The following ARID4A variants were observed in gnomAD, a reference collection of about 807,000 sequenced individuals.
The protein encoded by ARID4A is AT-rich interaction domain 4A, also known as AT-rich interactive domain-containing protein 4A.
Under a neutral mutation model 148.6 loss-of-function variants are expected in ARID4A, and 39 were observed. The ratio of observed to expected loss-of-function variants is 0.26; its 90% CI spans 0.20 to 0.34. The LOEUF is 0.34. ARID4A is among the 10% of genes least tolerant of loss of function. ARID4A has a pLI of 1.00. For missense variants in ARID4A, 1,265 were observed against 1,449.1 expected (o/e 0.87, Z 2.06); for synonymous variants, 475 against 481.2 (o/e 0.99, Z 0.17).
intron 22 of ARID4A, among the ~76,000 whole-genome samples, chr14:58,366,541 T>C (rs1283167439): frequency 2.0e-5 from 3 of 152,180 alleles, no homozygotes; most frequent in African/African-American, 2.4e-5. Flanking sequence ...GTTATTTCTA[T>C]TATGTAACTA....
chr14:58,307,239 C>G (rs1288602324), intron 5 of ARID4A, among the ~76,000 whole-genome samples: 3 of 151,994 alleles, frequency 2.0e-5, no homozygotes, highest in African/African-American at 7.3e-5. Context: ...AAAGAATGAC[C>G]ATTTAGGTTT....
chr14:58,317,980 A>T (rs1462227601), intron 5 of ARID4A, among the ~76,000 whole-genome samples: 1 of 152,096 alleles, frequency 6.6e-6, no homozygotes, highest in Non-Finnish European at 1.5e-5. Context: ...TTAAAAAAAA[A>T]AAAAGTTTTT....
At chr14:58,339,567 C>G (rs2140215758) in intron 11 of ARID4A, among the ~76,000 whole-genome samples, 1 of 152,226 alleles carries the variant, frequency 6.6e-6, no homozygotes, top group South Asian at 2.1e-4. Flanking sequence ...TATCTGTCCA[C>G]CTTCCTAATG....
intron 16 of ARID4A, among the ~76,000 whole-genome samples, chr14:58,352,068 A>G (rs986491177): frequency 1.3e-5 from 2 of 152,236 alleles, no homozygotes; most frequent in Non-Finnish European, 2.9e-5. Context: ...TAAATGAGCA[A>G]CAACATAACA....
intron 23 of ARID4A, among the ~76,000 whole-genome samples, chr14:58,368,682 A>G (rs1030757922): frequency 2.0e-5 from 3 of 151,978 alleles, no homozygotes; most frequent in Non-Finnish European, 4.4e-5. Context: ...TGGGTTTTTT[A>G]TTTTTTTCAG....
intron 15 of ARID4A, among the ~76,000 whole-genome samples, chr14:58,349,760 A>T (rs1283075627): frequency 6.6e-6 from 1 of 152,022 alleles, no homozygotes; most frequent in Non-Finnish European, 1.5e-5. Context: ...GGACAAAGGT[A>T]TACAGACCCA....
At chr14:58,333,447 A>G (rs910417633) in intron 11 of ARID4A, among the ~76,000 whole-genome samples, 1 of 152,106 alleles carries the variant, frequency 6.6e-6, no homozygotes, top group African/African-American at 2.4e-5. Context: ...CTTGAGTATT[A>G]AGGGGAATGT....
At chr14:58,298,758 G>C (rs2030788499) in intron 1 of ARID4A, 58 bp downstream of exon 1, 1 of 152,430 alleles carries the variant, frequency 6.6e-6, no homozygotes, top group Non-Finnish European at 1.5e-5. Context: ...AGTAGCAGCA[G>C]CTGCTGCTGC....
In ARID4A at chr14:58,372,093, G is replaced by T; in HGVS notation, c.*104G>T. 1.3e-6 allele frequency: 1 copy of T among 751,294 alleles called. No homozygotes were observed. The highest frequency in any genetic ancestry group is 2.3e-6 in the Non-Finnish European group (1 of 437,854). 46.5% of individuals were successfully genotyped at this position (751,294 alleles called of 1,614,324 possible). A position where few individuals can be genotyped will look rare whatever the true frequency, so the allele number is the denominator to read the frequency against. On this transcript the variant is annotated 3_prime_UTR_variant, in exon 24 of 24. Transcript: ENST00000355431. ...CACTCAACTGGTTTGACATTGCTAA[G>T]TATATCCTGTATACTTTTCCAGGCT...
intron 18 of ARID4A, among the ~76,000 whole-genome samples, chr14:58,359,970 G>T (rs890602256): frequency 6.6e-5 from 10 of 151,932 alleles, no homozygotes; most frequent in African/African-American, 2.4e-4. Context: ...GGAGGCTGAG[G>T]CAGGAGAATG....
intron 11 of ARID4A, among the ~76,000 whole-genome samples, chr14:58,341,030 T>C (rs545404566): frequency 1.3e-5 from 2 of 152,050 alleles, no homozygotes; most frequent in South Asian, 2.1e-4. Flanking sequence ...CCTCTCCCCT[T>C]CTCTCTCCCT....
chr14:58,324,539 C>A (rs921898229), intron 8 of ARID4A, among the ~76,000 whole-genome samples: 1 of 152,266 alleles, frequency 6.6e-6, no homozygotes, highest in Non-Finnish European at 1.5e-5. Flanking sequence ...CTTTGGCCTC[C>A]CAAGGGGCCG....
chr14:58,331,995 A>AAC (rs2033548157), intron 11 of ARID4A, among the ~76,000 whole-genome samples: 27 of 85,182 alleles, frequency 3.2e-4, no homozygotes, highest in East Asian at 8.5e-4. Context: ...CATTTTCCCT[A>AAC]CCCCCCCCCC....
chr14:58,299,945 G>T, intron 2 of ARID4A, 85 bp downstream of exon 2: 3 of 1,588,128 alleles, frequency 1.9e-6, no homozygotes, highest in South Asian at 1.1e-5. Context: ...CATTTGTTTT[G>T]CTACTCAAAA....
At chr14:58,327,652 G>A (rs2033291732) in intron 8 of ARID4A, among the ~76,000 whole-genome samples, 1 of 151,960 alleles carries the variant, frequency 6.6e-6, no homozygotes, top group East Asian at 1.9e-4. Flanking sequence ...TATTTTTAAA[G>A]TGCTGGTCAC....
Position 58,365,013 on chromosome 14 carries a change from T to C in ARID4A, c.2924T>C (p.Ile975Thr), listed in dbSNP as rs1324444140. Residue 975 changes from isoleucine (I) to threonine (T), a missense_variant, in exon 20 of 24, where the codon ATT (isoleucine) becomes ACT (threonine). Physicochemically the swap from Ile to Thr is moderately conservative, Grantham distance 89. Transcript: ENST00000355431. The part of the protein sequence containing the change: ...DDLDEKDKTS[I>T]EDVAVESSES... The stretch of plus-strand genomic sequence containing the variant: ...TTGGATGAAAAGGATAAGACCAGCA[T>C]TGAGGATGTAGCAGTTGAAAGCTCT... The C allele has an allele frequency of 2.5e-6, 4 of 1,614,144 alleles. No individual in the cohort carries two copies. In the African/African-American group the frequency reaches 4.0e-5, roughly 16 times the overall value.
At chr14:58,327,397 GTTAAGATACTATT>G in intron 8 of ARID4A, among the ~76,000 whole-genome samples, 1 of 152,114 alleles carries the variant, frequency 6.6e-6, no homozygotes, top group South Asian at 2.1e-4. Context: ...CAATTATATT[GTTAAGATACTATT>G]TTCAGAAGTT....
rs760117866 is a variant in ARID4A, at chr14:58,344,677, T to C, written c.907-18T>C. 3 of 1,573,008 alleles carry C rather than the reference T, an allele frequency of 1.9e-6. No individual in the cohort carries two copies. The highest frequency in any genetic ancestry group is 4.5e-5 in the East Asian group (2 of 44,398). On this transcript the variant is annotated intron_variant, in intron 11 of 23. Transcript: ENST00000355431. ...TCCAGTTCACTGTGCCATACATTTA[T>C]ATATTTTATCTTTACAGCCTGAGGA... is the stretch of plus-strand genomic sequence containing the variant.
chr14:58,362,621 A>G (rs1183874327), intron 19 of ARID4A, among the ~76,000 whole-genome samples: 2 of 151,808 alleles, frequency 1.3e-5, no homozygotes, highest in East Asian at 4.0e-4. Context: ...ATAGTGGCGC[A>G]ATCTCAGCTC....
Sources: gnomAD v4.1 joint callset for allele counts (sites outside exome capture counted in the v4.1 genomes callset) on GRCh38, gnomAD v4.1.1 for gene constraint, MANE v1.5 for transcripts, NCBI Gene and HGNC (gene_info 2026-07-23, HGNC 2026-07-21) for gene names.